Variants in IFT56 observed in about 807,000 individuals in gnomAD.
IFT56 encodes intraflagellar transport protein 56.
At chr7:139,154,703 A>G in the IFT56 span, among the ~76,000 whole-genome samples, 1 of 152,118 alleles carries the variant, frequency 6.6e-6, no homozygotes, top group Non-Finnish European at 1.5e-5. Flanking sequence ...CTATATGTGT[A>G]TCCTTACATT....
At chr7:139,153,299 AAATT>A in the IFT56 span, among the ~76,000 whole-genome samples, 1 of 152,044 alleles carries the variant, frequency 6.6e-6, no homozygotes, top group African/African-American at 2.4e-5. Flanking sequence ...AAAAATATAA[AAATT>A]AACCGGACGT....
At chr7:139,183,512 G>T in the IFT56 span, among the ~76,000 whole-genome samples, 1 of 152,074 alleles carries the variant, frequency 6.6e-6, no homozygotes, top group Non-Finnish European at 1.5e-5. Context: ...GGGGGGAAAT[G>T]GCAGAATTAA....
the IFT56 span, among the ~76,000 whole-genome samples, chr7:139,160,282 C>G: frequency 6.6e-6 from 1 of 152,172 alleles, no homozygotes; most frequent in Non-Finnish European, 1.5e-5. Context: ...ATTAACATCT[C>G]CTTTCAGATT....
At chr7:139,140,077 G>A in the IFT56 span, 3 of 1,007,098 alleles carry the variant, frequency 3.0e-6, no homozygotes, top group Non-Finnish European at 4.3e-6. Context: ...AAACTTAATT[G>A]TATTCCTTTT....
At chr7:139,173,279 G>C in the IFT56 span, 15 of 448,134 alleles carry the variant, frequency 3.3e-5, no homozygotes, top group Non-Finnish European at 5.9e-5. Flanking sequence ...CCAGACTGGA[G>C]TGCAGTGGTG....
chr7:139,137,094 T>C, the IFT56 span, among the ~76,000 whole-genome samples: 1 of 152,114 alleles, frequency 6.6e-6, no homozygotes, highest in East Asian at 1.9e-4. Context: ...GCTCCATAAA[T>C]ATGTGTTGGC....
chr7:139,163,349 A>G, the IFT56 span, among the ~76,000 whole-genome samples: 3 of 152,132 alleles, frequency 2.0e-5, no homozygotes, highest in East Asian at 3.9e-4. Flanking sequence ...CTAAAAAAAA[A>G]AAAAAAGAAA....
chr7:139,134,935 G>C, the IFT56 span: 1 of 847,820 alleles, frequency 1.2e-6, no homozygotes, highest in South Asian at 2.1e-5. Flanking sequence ...ATCTAGTCAG[G>C]CACAGATTCC....
chr7:139,136,355 G>A, the IFT56 span, among the ~76,000 whole-genome samples: 1 of 152,166 alleles, frequency 6.6e-6, no homozygotes, highest in Non-Finnish European at 1.5e-5. Flanking sequence ...AGTGGACTGA[G>A]TGCTATGTAT....
chr7:139,143,637 TA>T, the IFT56 span, among the ~76,000 whole-genome samples: 187 of 151,418 alleles, frequency 1.2e-3, 1 homozygote, highest in African/African-American at 4.4e-3. Flanking sequence ...AAATCTTTAT[TA>T]AAAAAAAACC....
chr7:139,169,007 G>A, the IFT56 span, among the ~76,000 whole-genome samples: 131 of 152,228 alleles, frequency 8.6e-4, no homozygotes, highest in Non-Finnish European at 1.5e-3. Context: ...CTGATATATG[G>A]TAAAAGAGCA....
chr7:139,156,884 A>G, the IFT56 span, among the ~76,000 whole-genome samples: 1 of 152,110 alleles, frequency 6.6e-6, no homozygotes, highest in Non-Finnish European at 1.5e-5. Context: ...ATCAAGTTTC[A>G]CATGTAGTGG....
At chr7:139,151,617 A>G in the IFT56 span, among the ~76,000 whole-genome samples, 27 of 152,234 alleles carry the variant, frequency 1.8e-4, no homozygotes, top group African/African-American at 6.5e-4. Context: ...GTTCTTGTGA[A>G]GATTAAATGG....
chr7:139,136,236 C>A, the IFT56 span, among the ~76,000 whole-genome samples: 3 of 152,086 alleles, frequency 2.0e-5, no homozygotes, highest in South Asian at 6.2e-4. Context: ...AGTTTGCCTT[C>A]TTACTAAGTA....
At chr7:139,140,266 A>G in the IFT56 span, among the ~76,000 whole-genome samples, 1 of 152,194 alleles carries the variant, frequency 6.6e-6, no homozygotes, top group Non-Finnish European at 1.5e-5. Context: ...CTTAGGCCCT[A>G]TCACGGGAGG....
chr7:139,181,818 G>T, the IFT56 span, among the ~76,000 whole-genome samples: 1 of 152,108 alleles, frequency 6.6e-6, no homozygotes. Context: ...CATAGAAAAG[G>T]CACAGTAAAA....
At chr7:139,137,617 TATA>T in the IFT56 span, among the ~76,000 whole-genome samples, 1 of 152,184 alleles carries the variant, frequency 6.6e-6, no homozygotes, top group Non-Finnish European at 1.5e-5. Flanking sequence ...CTTTCTGGAG[TATA>T]ATATCAGTAA....
the IFT56 span, among the ~76,000 whole-genome samples, chr7:139,184,435 A>G: frequency 6.6e-6 from 1 of 152,198 alleles, no homozygotes; most frequent in Non-Finnish European, 1.5e-5. Context: ...CTGAAGGAAA[A>G]AAGCCAGTTT....
At chr7:139,159,534 G>T in the IFT56 span, among the ~76,000 whole-genome samples, 1 of 152,140 alleles carries the variant, frequency 6.6e-6, no homozygotes, top group African/African-American at 2.4e-5. Flanking sequence ...TGTGGGAAGG[G>T]TCTTTCACTA....
Sources: gnomAD v4.1 joint callset for allele counts (sites outside exome capture counted in the v4.1 genomes callset) on GRCh38, gnomAD v4.1.1 for gene constraint, MANE v1.5 for transcripts, NCBI Gene and HGNC (gene_info 2026-07-23, HGNC 2026-07-21) for gene names.